Variants in APP observed in about 807,000 individuals in gnomAD.
The protein encoded by APP is amyloid beta precursor protein.
APP carries 31 observed loss-of-function variants against 101.4 expected under a neutral mutation model. The observed-to-expected ratio is 0.31, with a 90% CI of 0.23 to 0.41. The LOEUF (loss-of-function observed/expected upper bound fraction) is 0.41. APP is among the 10% of genes least tolerant of loss of function. The pLI is 1.00. For missense variants in APP, 839 were observed against 1,003.7 expected (o/e 0.84, Z 2.22); for synonymous variants, 366 against 364.4 (o/e 1.00, Z -0.05).
chr21:26,140,362 C>A, intron 1 of APP: 1 of 1,494,784 alleles, frequency 6.7e-7, no homozygotes, highest in Non-Finnish European at 8.9e-7. Flanking sequence ...AACCCAACTT[C>A]TACCACGCAC....
intron 6 of APP, among the ~76,000 whole-genome samples, chr21:26,006,804 G>C (rs2043550341): frequency 6.6e-6 from 1 of 152,172 alleles, no homozygotes; most frequent in Non-Finnish European, 1.5e-5. Context: ...TTCTTATGAA[G>C]CAAAGTTAAC....
intron 6 of APP, among the ~76,000 whole-genome samples, chr21:26,001,026 G>C (rs9976813): frequency 0.014 from 2,110 of 151,812 alleles, 50 homozygotes; most frequent in African/African-American, 0.048. Context: ...ATTTAATTAT[G>C]CTACTTAATT....
chr21:26,042,901 A>C (rs762197144), intron 5 of APP, among the ~76,000 whole-genome samples: 4 of 149,806 alleles, frequency 2.7e-5, no homozygotes, highest in Non-Finnish European at 5.9e-5. Context: ...GTGTGACAGC[A>C]AGAACCTGTC....
At chr21:26,153,416 A>T (rs929559637) in intron 1 of APP, among the ~76,000 whole-genome samples, 3 of 152,190 alleles carry the variant, frequency 2.0e-5, no homozygotes, top group African/African-American at 7.2e-5. Context: ...TTAAAGGTAT[A>T]TAAGACAGCT....
chr21:25,924,411 C>CAAAAAAAAAAAA (rs551284093), intron 13 of APP, among the ~76,000 whole-genome samples: 22 of 56,830 alleles, frequency 3.9e-4, no homozygotes, highest in South Asian at 2.8e-3. Context: ...TTTGCAAATA[C>CAAAAAAAAAAAA]AAAAAAAAAA....
chr21:25,991,215 G>A (rs532829575), intron 8 of APP, among the ~76,000 whole-genome samples: 1 of 58,610 alleles, frequency 1.7e-5, no homozygotes, highest in South Asian at 8.0e-4. Context: ...TGGGTACAAT[G>A]TACACTACTC....
In APP at chr21:26,164,074, G is replaced by A. The variant is rs112390865; in HGVS notation, c.57+6490C>T. Among the ~76,000 whole-genome samples the A allele has an allele frequency of 9.9e-3, 1,497 of 151,952 alleles. 15 individuals are homozygous for A. Among genetic ancestry groups the A allele is most frequent in the African/African-American group, 0.034 (1,409 of 41,422 alleles). On this transcript the variant is annotated intron_variant, in intron 1 of 17. Transcript: ENST00000346798. ...AGCCTGACCAACATAGTGAAACCCC[G>A]TCTCTACTAAAAATATAAAAATTAG...
rs2036987043 is a variant in APP, at chr21:25,881,599, A to G, written c.*71T>C. ...GGTTTGTTTCTTCCCACATTATTCT[A>G]TAAATGGACACCGATGGGTAGTGAA... On this transcript the variant is annotated 3_prime_UTR_variant, in exon 18 of 18. Coordinates refer to ENST00000346798, the MANE Select transcript of APP (RefSeq NM_000484.4). The G allele has an allele frequency of 5.3e-6, 8 of 1,512,360 alleles. No individual in the cohort carries two copies. The highest frequency in any genetic ancestry group is 1.1e-5 in the South Asian group (1 of 89,010). The allele number at this position is 1,512,360 out of a possible 1,614,324, so 93.7% of individuals were successfully genotyped here. A position where few individuals can be genotyped will look rare whatever the true frequency, so the allele number is the denominator to read the frequency against.
intron 8 of APP, among the ~76,000 whole-genome samples, chr21:25,989,043 C>T (rs534281916): frequency 1.3e-5 from 2 of 152,228 alleles, no homozygotes; most frequent in South Asian, 2.1e-4. Context: ...TCATAAATGG[C>T]GATGCTGCAC....
chr21:26,084,709 T>C (rs905644169), intron 3 of APP, among the ~76,000 whole-genome samples: 2 of 152,184 alleles, frequency 1.3e-5, no homozygotes, highest in Admixed American at 6.5e-5. Flanking sequence ...GAAAAAAAAT[T>C]AAGGAAGATC....
At chr21:25,912,078 C>T (rs1031474336) in intron 13 of APP, 116 bp from the exon 14 acceptor site, 4 of 798,280 alleles carry the variant, frequency 5.0e-6, no homozygotes, top group Non-Finnish European at 6.5e-6. Flanking sequence ...CGTGCATGAT[C>T]GCGTTTAGAG....
chr21:25,977,900 T>C (rs886111880), intron 9 of APP, among the ~76,000 whole-genome samples: 1 of 152,234 alleles, frequency 6.6e-6, no homozygotes, highest in Non-Finnish European at 1.5e-5. Flanking sequence ...CCTTGCAATA[T>C]AAATATTTCA....
chr21:26,055,461 A>G (rs1328383695), intron 3 of APP, among the ~76,000 whole-genome samples: 1 of 152,238 alleles, frequency 6.6e-6, no homozygotes. Context: ...GAAGACCTGG[A>G]GAATGGAAAG....
intron 6 of APP, among the ~76,000 whole-genome samples, chr21:26,006,486 G>T (rs746933205): frequency 5.9e-5 from 9 of 152,166 alleles, no homozygotes; most frequent in Non-Finnish European, 1.3e-4. Context: ...GCTGAGATTT[G>T]TGCTCGTGTC....
chr21:25,927,949 G>A (rs563038264), intron 13 of APP, among the ~76,000 whole-genome samples: 17 of 152,212 alleles, frequency 1.1e-4, no homozygotes, highest in African/African-American at 3.1e-4. Flanking sequence ...CCTTTTTCCC[G>A]TTTACCTGTA....
intron 3 of APP, among the ~76,000 whole-genome samples, chr21:26,087,818 C>T (rs1393331672): frequency 6.6e-6 from 1 of 152,184 alleles, no homozygotes. Flanking sequence ...AACCACATTA[C>T]TTAGGCTGTT....
At chr21:26,132,225 TA>T (rs1331102770) in intron 1 of APP, among the ~76,000 whole-genome samples, 1 of 152,040 alleles carries the variant, frequency 6.6e-6, no homozygotes, top group Non-Finnish European at 1.5e-5. Context: ...CCTATCTCTT[TA>T]AAAAAGAAAA....
chr21:26,058,213 G>C (rs906629139), intron 3 of APP, among the ~76,000 whole-genome samples: 1 of 152,202 alleles, frequency 6.6e-6, no homozygotes, highest in Non-Finnish European at 1.5e-5. Context: ...GGAGAAACAA[G>C]ACAAAGGTGA....
At chr21:26,151,719 T>C (rs986108470) in intron 1 of APP, among the ~76,000 whole-genome samples, 1 of 152,144 alleles carries the variant, frequency 6.6e-6, no homozygotes. Flanking sequence ...TGCGCTCCTA[T>C]GAGCATCTAA....
Sources: allele counts gnomAD v4.1 joint callset (sites outside exome capture counted in the v4.1 genomes callset), GRCh38; gene constraint gnomAD v4.1.1; transcripts MANE v1.5; gene names NCBI Gene and HGNC (gene_info 2026-07-23, HGNC 2026-07-21).